Variants in XPNPEP2 observed in about 807,000 individuals in gnomAD.
The protein encoded by XPNPEP2 is xaa-Pro aminopeptidase 2.
In XPNPEP2, 64 loss-of-function variants were observed where a neutral mutation model predicts 59.8. That is an observed-to-expected ratio of 1.07 (90% CI 0.87 to 1.32). The LOEUF is 1.32. Among genes scored for constraint, XPNPEP2 ranks in the 40% most tolerant of loss-of-function variants. The pLI is 0.00. For missense variants in XPNPEP2, 575 were observed against 546.8 expected, an observed-to-expected ratio of 1.05 and a Z score of -0.51; for synonymous variants, 235 against 210.0, an observed-to-expected ratio of 1.12 and a Z score of -1.03.
chrX:129,747,631 C>A lies in XPNPEP2; in HGVS notation c.515C>A (p.Ala172Asp). Residue 172 changes from alanine to aspartate, a missense_variant, in exon 7 of 21, where the codon GCC becomes GAC. Coordinates refer to ENST00000371106, the MANE Select transcript of XPNPEP2 (RefSeq NM_003399.6). ...GACACCTGGGAGAGTTATGATCTGG[C>A]CCTCCAAGGCTCTAACAGACAGCTG... is the stretch of plus-strand genomic sequence containing the variant. ...SIDTWESYDLALQGSNRQLVS... is the reference protein window; with the variant it reads ...SIDTWESYDLDLQGSNRQLVS... 2 of 1,211,657 alleles carry A rather than the reference C, an allele frequency of 1.7e-6. No homozygotes were observed. The highest frequency in any genetic ancestry group is 5.9e-5 in the East Asian group (2 of 33,870).
rs765076727 is a variant in XPNPEP2 at position 129,755,342 on chromosome X, T to C, written c.1266T>C (p.Ser422=). 3.4e-5 allele frequency: 41 copies of C among 1,210,332 alleles called. No individual in the cohort carries two copies. In the South Asian group the frequency reaches 6.9e-4, roughly 20 times the overall value. The part of the protein sequence containing the change: ...SGPSFETISA[S]GLNAALAHYS... ...CCAGTTTTGAAACCATCTCTGCTAG[T>C]GGTCTGAATGCTGCCCTGGCCCACT... The change falls in exon 13 of 21, where the codon AGT becomes AGC. Residue 422 remains serine, a synonymous_variant. Coordinates refer to ENST00000371106, the MANE Select transcript of XPNPEP2 (RefSeq NM_003399.6).
At chrX:129,746,556 T>C in intron 5 of XPNPEP2, 39 bp from the exon 6 acceptor site, 1 of 1,177,213 alleles carries the variant, frequency 8.5e-7, no homozygotes, top group Non-Finnish European at 1.2e-6. Context: ...GGGCTGGCCC[T>C]GAAGGTGACC....
chrX:129,754,076 C>T (rs859575), intron 11 of XPNPEP2, among the ~76,000 whole-genome samples: 9,669 of 111,441 alleles, frequency 0.087, 511 homozygotes, highest in African/African-American at 0.18. Context: ...AACTTTGTCT[C>T]ATAGGAAATT....
chrX:129,761,117 G>C, intron 16 of XPNPEP2, 55 bp from the exon 17 acceptor site: 1 of 1,142,091 alleles, frequency 8.8e-7, no homozygotes, highest in South Asian at 1.9e-5. Flanking sequence ...AAGGGGCAAG[G>C]TGGACAGTCT....
intron 1 of XPNPEP2, among the ~76,000 whole-genome samples, chrX:129,741,858 G>A (rs1438275899): frequency 8.9e-6 from 1 of 112,484 alleles, no homozygotes; most frequent in Non-Finnish European, 1.9e-5. Context: ...GATTTAATGA[G>A]CACTAAAACC....
At chrX:129,749,250 T>C (rs776464353) in intron 7 of XPNPEP2, among the ~76,000 whole-genome samples, 1 of 111,524 alleles carries the variant, frequency 9.0e-6, no homozygotes, top group Non-Finnish European at 1.9e-5. Flanking sequence ...GGAGGGGGGA[T>C]AGGGAGTGAC....
At chrX:129,748,865 G>A (rs1019278725) in intron 7 of XPNPEP2, among the ~76,000 whole-genome samples, 4 of 111,324 alleles carry the variant, frequency 3.6e-5, no homozygotes, top group African/African-American at 6.5e-5. Context: ...GTCATCACCC[G>A]CTGCCAGTCT....
intron 1 of XPNPEP2, among the ~76,000 whole-genome samples, chrX:129,741,872 C>T (rs1490144167): frequency 8.9e-6 from 1 of 112,532 alleles, no homozygotes; most frequent in Non-Finnish European, 1.9e-5. Flanking sequence ...TAAAACCCAT[C>T]CAAAAGTGGC....
intron 9 of XPNPEP2, 149 bp downstream of exon 9, chrX:129,751,975 T>C: frequency 1.2e-6 from 1 of 816,690 alleles, no homozygotes. Flanking sequence ...AAACCCCCTG[T>C]TGTCTTTTCC....
rs768499853 is a variant in XPNPEP2 at position 129,753,021 on chromosome X, C to T, written c.1018-138C>T. 59 of 513,597 alleles carry T rather than the reference C, an allele frequency of 1.1e-4. No individual in the cohort carries two copies. The South Asian group carries it at 1.5e-3, about 13-fold the overall frequency. The allele number at this position is 513,597 out of a possible 1,213,427, so 42.3% of individuals were successfully genotyped here. A position where few individuals can be genotyped will look rare whatever the true frequency, so the allele number is the denominator to read the frequency against. ...ACACACAGAGTAGAGAGCATTGCCACGAAATGGTGGCAAATCTCACGTCTG... is the reference window on the plus strand; with the variant it reads ...ACACACAGAGTAGAGAGCATTGCCATGAAATGGTGGCAAATCTCACGTCTG... On this transcript the variant is annotated intron_variant, in intron 10 of 20. Coordinates refer to ENST00000371106, the MANE Select transcript of XPNPEP2 (RefSeq NM_003399.6).
chrX:129,748,950 G>A (rs1397778700), intron 7 of XPNPEP2, among the ~76,000 whole-genome samples: 4 of 111,589 alleles, frequency 3.6e-5, no homozygotes, highest in Non-Finnish European at 7.5e-5. Context: ...TTATAAAGAC[G>A]AGAGAGACTT....
intron 1 of XPNPEP2, among the ~76,000 whole-genome samples, chrX:129,741,170 AT>A (rs1926172207): frequency 1.7e-5 from 1 of 60,170 alleles, no homozygotes; most frequent in South Asian, 1.1e-3. Flanking sequence ...CTCAATGAAT[AT>A]TGGGGGGGGG....
intron 19 of XPNPEP2, among the ~76,000 whole-genome samples, chrX:129,764,623 C>G (rs1168316529): frequency 9.6e-6 from 1 of 103,694 alleles, no homozygotes; most frequent in Non-Finnish European, 2.0e-5. Flanking sequence ...CCATTGTACT[C>G]CAACCTGGGC....
Position 129,747,707 on chromosome X carries a change from A to G in XPNPEP2, c.591A>G (p.Pro197=), listed in dbSNP as rs769351474. The change falls in exon 7 of 21, where the codon CCA becomes CCG. Residue 197 remains proline, a synonymous_variant. Coordinates refer to ENST00000371106, the MANE Select transcript of XPNPEP2 (RefSeq NM_003399.6). ...ACCTGGTATGGGGATCAGAGAGGCC[A>G]CCGGTTCCAAATCAACCCATTTATG... ...LVDLVWGSER[P]PVPNQPIYAL... The G allele has an allele frequency of 4.5e-5, 54 of 1,210,581 alleles. No homozygotes were observed. The East Asian group carries it at 1.5e-3, about 34-fold the overall frequency.
intron 19 of XPNPEP2, among the ~76,000 whole-genome samples, chrX:129,766,520 T>G (rs1388516435): frequency 9.0e-6 from 1 of 110,973 alleles, no homozygotes; most frequent in East Asian, 2.8e-4. Flanking sequence ...CTCTTTTTTT[T>G]TTTTTAGAGA....
At chrX:129,752,725 G>T (rs1404487117) in intron 10 of XPNPEP2, among the ~76,000 whole-genome samples, 2 of 112,441 alleles carry the variant, frequency 1.8e-5, no homozygotes, top group Non-Finnish European at 3.8e-5. Context: ...GACCTCGCAG[G>T]AGTCGCTCAG....
intron 1 of XPNPEP2, among the ~76,000 whole-genome samples, chrX:129,741,173 G>GGT (rs1556388394): frequency 5.4e-5 from 2 of 36,861 alleles, no homozygotes; most frequent in Non-Finnish European, 8.4e-5. Context: ...AATGAATATT[G>GGT]GGGGGGGGTC....
At chrX:129,757,057 TATATATACACACACATAC>T (rs1239619691) in intron 14 of XPNPEP2, among the ~76,000 whole-genome samples, 2 of 92,692 alleles carry the variant, frequency 2.2e-5, no homozygotes, top group African/African-American at 8.9e-5. Context: ...TACACACACA[TATATATACACACACATAC>T]ACACACACAC....
rs371220001 is a variant in XPNPEP2 at position 129,756,503 on chromosome X, C to T, written c.1315C>T (p.Arg439Cys). ...AHYSPTKELN[R>C]KLSSDEMYLL... Reference sequence around the variant, plus strand: ...TCTCAGCCCGACCAAGGAGCTGAACCGCAAGCTGTCCTCAGATGAGATGTA... The same window carrying T: ...TCTCAGCCCGACCAAGGAGCTGAACTGCAAGCTGTCCTCAGATGAGATGTA... Residue 439 changes from arginine (R) to cysteine (C), a missense_variant, in exon 14 of 21, where the codon CGC becomes TGC. Physicochemically the swap from Arg to Cys is radical, Grantham distance 180. Coordinates refer to ENST00000371106, the MANE Select transcript of XPNPEP2 (RefSeq NM_003399.6). 3.5e-5 allele frequency: 42 copies of T among 1,209,518 alleles called. No homozygotes were observed. In the East Asian group the frequency reaches 4.4e-4, roughly 13 times the overall value.
Sources: gnomAD v4.1 joint callset for allele counts (sites outside exome capture counted in the v4.1 genomes callset) on GRCh38, gnomAD v4.1.1 for gene constraint, MANE v1.5 for transcripts, NCBI Gene and HGNC (gene_info 2026-07-23, HGNC 2026-07-21) for gene names.